The following RCBTB2 variants were observed in gnomAD, a reference collection of about 807,000 sequenced individuals.
The protein encoded by RCBTB2 is RCC1 and BTB domain containing protein 2.
Under a neutral mutation model 65.4 loss-of-function variants are expected in RCBTB2, and 55 were observed. That is an observed-to-expected ratio of 0.84 (90% CI 0.68 to 1.05). RCBTB2 has a LOEUF of 1.05. Among genes scored for constraint, RCBTB2 ranks in the 50% least tolerant of loss-of-function variants. RCBTB2 has a pLI of 0.00. For synonymous variants in RCBTB2, 220 were observed against 255.2 expected (o/e 0.86, Z 1.31); for missense variants, 599 against 680.1 (o/e 0.88, Z 1.33).
At chr13:48,509,256 A>C (rs1950657681) in intron 10 of RCBTB2, among the ~76,000 whole-genome samples, 2 of 152,132 alleles carry the variant, frequency 1.3e-5, no homozygotes, top group Admixed American at 1.3e-4. Context: ...GAGCTTGGGA[A>C]GTCAAGACTA....
At chr13:48,502,437 G>A (rs761590473) in intron 11 of RCBTB2, among the ~76,000 whole-genome samples, 8 of 151,668 alleles carry the variant, frequency 5.3e-5, no homozygotes, top group South Asian at 2.1e-4. Context: ...AGGGTACAGC[G>A]AGTTATGATT....
intron 12 of RCBTB2, 149 bp downstream of exon 12, chr13:48,501,593 T>G (rs1566271248): frequency 3.2e-6 from 2 of 626,840 alleles, no homozygotes; most frequent in African/African-American, 3.7e-5. Flanking sequence ...GTTTCATGTA[T>G]ATTTCTCCCC....
chr13:48,518,717 G>C (rs1263253604), intron 4 of RCBTB2, among the ~76,000 whole-genome samples: 1 of 151,718 alleles, frequency 6.6e-6, no homozygotes, highest in Non-Finnish European at 1.5e-5. Flanking sequence ...TTTAAAATTT[G>C]TATTTCTTCT....
chr13:48,531,152 T>G (rs778565965), intron 1 of RCBTB2, among the ~76,000 whole-genome samples: 7 of 152,230 alleles, frequency 4.6e-5, no homozygotes, highest in African/African-American at 1.4e-4. Flanking sequence ...GAATGTAAGC[T>G]CCAGAGGGAA....
chr13:48,525,101 G>A (rs923819571), intron 1 of RCBTB2, among the ~76,000 whole-genome samples: 1 of 151,468 alleles, frequency 6.6e-6, no homozygotes, highest in Non-Finnish European at 1.5e-5. Flanking sequence ...GTAAAAAAAA[G>A]CAAAACTTTC....
chr13:48,531,368 C>T (rs976668570), intron 1 of RCBTB2, among the ~76,000 whole-genome samples: 2 of 152,116 alleles, frequency 1.3e-5, no homozygotes, highest in African/African-American at 4.8e-5. Flanking sequence ...ATTGATCATA[C>T]CCTTACAAAT....
intron 1 of RCBTB2, among the ~76,000 whole-genome samples, chr13:48,528,177 G>C (rs1261757399): frequency 6.6e-6 from 1 of 152,062 alleles, no homozygotes; most frequent in Non-Finnish European, 1.5e-5. Flanking sequence ...GCTCTCTTAG[G>C]GACTTCTGTC....
At chr13:48,491,349 T>C (rs1009907811) in intron 14 of RCBTB2, among the ~76,000 whole-genome samples, 2 of 152,234 alleles carry the variant, frequency 1.3e-5, no homozygotes, top group African/African-American at 4.8e-5. Context: ...GTTTATTTCA[T>C]GCCTGAAGAT....
At chr13:48,496,801 G>GAGAGGAGGGGAGGGC (rs1170270883) in intron 13 of RCBTB2, among the ~76,000 whole-genome samples, 1 of 119,188 alleles carries the variant, frequency 8.4e-6, no homozygotes, top group African/African-American at 3.2e-5. Context: ...GAGGGGAGGG[G>GAGAGGAGGGGAGGGC]AGAGGAGGGG....
chr13:48,518,472 A>AATAT (rs779789935), intron 4 of RCBTB2, among the ~76,000 whole-genome samples: 2,375 of 116,458 alleles, frequency 0.02, 77 homozygotes, highest in African/African-American at 0.071. Flanking sequence ...AAAAAAAAAA[A>AATAT]ATATATATAT....
intron 1 of RCBTB2, among the ~76,000 whole-genome samples, chr13:48,525,372 TGATATATA>T (rs1166851888): frequency 1.2e-3 from 84 of 67,542 alleles, no homozygotes; most frequent in African/African-American, 3.6e-3. Flanking sequence ...AAAGGATTCA[TGATATATA>T]TATATATATA....
intron 4 of RCBTB2, among the ~76,000 whole-genome samples, chr13:48,516,407 G>A (rs997995799): frequency 2.6e-5 from 4 of 152,160 alleles, no homozygotes; most frequent in African/African-American, 4.8e-5. Context: ...CTGGAAACTG[G>A]AAGTCCAAAC....
At position 48,502,849 on chromosome 13, in the gene RCBTB2, A is replaced by C; in HGVS notation, c.992T>G (p.Val331Gly). The C allele has an allele frequency of 6.2e-7, 1 of 1,614,160 alleles. No individual in the cohort carries two copies. Among genetic ancestry groups the C allele is most frequent in the Non-Finnish European group, 8.5e-7 (1 of 1,180,016 alleles). Residue 331 changes from valine (V) to glycine (G), a missense_variant, in exon 11 of 15, where the codon GTG becomes GGG. Physicochemically the swap from Val to Gly is moderately radical, Grantham distance 109. Transcript: ENST00000344532. ...TSAAKTQGGH[V>G]YMWGQCRGQS... is the part of the protein sequence containing the mutation. Reference sequence around the variant, plus strand: ...ACCCCGGCACTGGCCCCACATGTACACGTGCCCACCCTGCGTCTTGGCCGC... The same window carrying C: ...ACCCCGGCACTGGCCCCACATGTACCCGTGCCCACCCTGCGTCTTGGCCGC...
intron 10 of RCBTB2, among the ~76,000 whole-genome samples, chr13:48,503,439 T>A (rs1950338932): frequency 6.6e-6 from 1 of 152,132 alleles, no homozygotes; most frequent in Non-Finnish European, 1.5e-5. Flanking sequence ...TCTACCACAC[T>A]GGGCTGTATG....
At chr13:48,527,332 T>TATG (rs1555310618) in intron 1 of RCBTB2, among the ~76,000 whole-genome samples, 4 of 130,458 alleles carry the variant, frequency 3.1e-5, no homozygotes, top group African/African-American at 1.6e-4. Context: ...TATATATATA[T>TATG]ATATGATATA....
intron 12 of RCBTB2, among the ~76,000 whole-genome samples, chr13:48,501,348 T>C (rs1396735018): frequency 6.6e-6 from 1 of 152,174 alleles, no homozygotes; most frequent in Non-Finnish European, 1.5e-5. Context: ...TCTTAAACCA[T>C]CTAAAAGTAC....
rs3085589 is a variant in RCBTB2 at position 48,493,225 on chromosome 13, TCACACA to T, written c.1515+2960_1515+2965del. Among the ~76,000 whole-genome samples, 727 of 109,150 alleles carry T rather than the reference TCACACA, an allele frequency of 6.7e-3. 10 individuals carry two copies. Among genetic ancestry groups the T allele is most frequent in the African/African-American group, 0.036 (647 of 18,120 alleles). 71.6% of individuals were successfully genotyped at this position (109,150 alleles called of 152,430 possible). ...TATACAGCCTCCTAAGTACCCTCCT[TCACACA>T]CACACACACACACACACACACACAC... On this transcript the variant is annotated intron_variant, in intron 14 of 14. Coordinates refer to ENST00000344532, the MANE Select transcript of RCBTB2 (RefSeq NM_001268.4).
chr13:48,527,054 G>A (rs1049699750), intron 1 of RCBTB2, among the ~76,000 whole-genome samples: 2 of 151,602 alleles, frequency 1.3e-5, no homozygotes, highest in African/African-American at 2.4e-5. Context: ...GTATTAAAAT[G>A]GCAAAAATGT....
intron 12 of RCBTB2, 139 bp downstream of exon 12, chr13:48,501,603 C>T (rs1593634017): frequency 4.6e-6 from 3 of 650,090 alleles, no homozygotes; most frequent in African/African-American, 1.8e-5. Flanking sequence ...TATTTCTCCC[C>T]GCTCCACTGT....
Sources: allele counts gnomAD v4.1 joint callset (sites outside exome capture counted in the v4.1 genomes callset), GRCh38; gene constraint gnomAD v4.1.1; transcripts MANE v1.5; gene names NCBI Gene and HGNC (gene_info 2026-07-23, HGNC 2026-07-21).